The following NOP58 variants were observed in gnomAD, a reference collection of about 807,000 sequenced individuals.
NOP58 encodes the protein NOP58 ribonucleoprotein.
A neutral mutation model predicts 71.2 loss-of-function variants in NOP58; 44 were observed. The observed-to-expected ratio is 0.62, with a 90% CI of 0.49 to 0.79. The LOEUF (loss-of-function observed/expected upper bound fraction) is 0.79. Among genes scored for constraint, NOP58 ranks in the 30% least tolerant of loss-of-function variants. The pLI, the probability that NOP58 is intolerant of heterozygous loss-of-function variation, is 0.00. For synonymous variants in NOP58, 228 were observed against 200.3 expected (o/e 1.14, Z -1.17); for missense variants, 538 against 620.2 (o/e 0.87, Z 1.41).
In NOP58 at chr2:202,300,174, A is replaced by T. The variant is rs548254192; in HGVS notation, c.1269-60A>T. 2.8e-4 allele frequency: 387 copies of T among 1,388,562 alleles called. No individual in the cohort carries two copies. The African/African-American group carries it at 4.8e-3, about 17-fold the overall frequency. The allele number at this position is 1,388,562 out of a possible 1,614,324, so 86.0% of individuals were successfully genotyped here. ...CTAATGGCATTTTCTTTATCTCTTG[A>T]GAATTATTTCAATTCCAGATACTTG... On this transcript the variant is annotated intron_variant, in intron 12 of 14. Coordinates refer to ENST00000264279, the MANE Select transcript of NOP58 (RefSeq NM_015934.5).
At chr2:202,295,919 A>G (rs1295114671) in intron 10 of NOP58, 82 bp downstream of exon 10, 2 of 1,044,154 alleles carry the variant, frequency 1.9e-6, no homozygotes, top group Non-Finnish European at 2.6e-6. Context: ...TCTGTAGTAC[A>G]CATTAAATCT....
intron 1 of NOP58, among the ~76,000 whole-genome samples, chr2:202,273,283 C>A (rs138492923): frequency 6.6e-6 from 1 of 152,150 alleles, no homozygotes; most frequent in Non-Finnish European, 1.5e-5. Flanking sequence ...CAAATAAAAC[C>A]ATTGTGTTCC....
chr2:202,295,677 C>T lies in NOP58; in HGVS notation c.911C>T (p.Ser304Phe). Residue 304 changes from serine (S) to phenylalanine (F), a missense_variant, in exon 10 of 15, where the codon TCT becomes TTT. Ser to Phe is a radical substitution (Grantham distance 155). Transcript: ENST00000264279. ...TTGTAACTTTTTTCTTTTGTAGGTT[C>T]TCTTTTAAATTTGGCCAAGCATGCA... is the stretch of plus-strand genomic sequence containing the variant. ...VGARLIAHAG[S>F]LLNLAKHAAS... 1 of 1,564,266 alleles carries T rather than the reference C, an allele frequency of 6.4e-7. No individual in the cohort carries two copies. Among genetic ancestry groups the T allele is most frequent in the Non-Finnish European group, 8.6e-7 (1 of 1,157,740 alleles).
At chr2:202,271,400 CAAA>C (rs780941347) in intron 1 of NOP58, among the ~76,000 whole-genome samples, 5 of 115,038 alleles carry the variant, frequency 4.3e-5, no homozygotes, top group Non-Finnish European at 3.6e-5. Flanking sequence ...TACTAAAATA[CAAA>C]AAAAAAAAAA....
chr2:202,272,291 T>C (rs1688524827), intron 1 of NOP58, among the ~76,000 whole-genome samples: 1 of 151,758 alleles, frequency 6.6e-6, no homozygotes, highest in Non-Finnish European at 1.5e-5. Context: ...TAGCTGGAAC[T>C]ACAGGCGCCT....
chr2:202,278,230 G>A, intron 3 of NOP58: 1 of 613,232 alleles, frequency 1.6e-6, no homozygotes, highest in Non-Finnish European at 3.1e-6. Context: ...TTCCCCATGT[G>A]TGAGGAGAGG....
Position 202,292,826 on chromosome 2 carries a change from A to G in NOP58, c.830A>G (p.Asn277Ser). Residue 277 changes from asparagine to serine, a missense_variant, in exon 9 of 15, where the codon AAT becomes AGT. Asn to Ser is a conservative substitution (Grantham distance 46). Coordinates refer to ENST00000264279, the MANE Select transcript of NOP58 (RefSeq NM_015934.5). The stretch of plus-strand genomic sequence containing the variant: ...ACCCAGCTCTATGAATATCTACAAA[A>G]TCGAATGATGGCCATTGCACCCAAT... ...YRTQLYEYLQ[N>S]RMMAIAPNVT... 1 of 1,613,286 alleles carries G rather than the reference A, an allele frequency of 6.2e-7. No homozygotes were observed. The highest frequency in any genetic ancestry group is 8.5e-7 in the Non-Finnish European group (1 of 1,179,190).
intron 1 of NOP58, among the ~76,000 whole-genome samples, chr2:202,268,045 C>G (rs1026289965): frequency 6.6e-6 from 1 of 152,126 alleles, no homozygotes; most frequent in South Asian, 2.1e-4. Flanking sequence ...TACAAACGTT[C>G]TGGAACTAGT....
intron 1 of NOP58, among the ~76,000 whole-genome samples, chr2:202,269,316 C>G (rs946048269): frequency 2.0e-5 from 3 of 148,554 alleles, no homozygotes; most frequent in Non-Finnish European, 4.4e-5. Flanking sequence ...GGATTACAGG[C>G]GTGAGCCACC....
At chr2:202,284,644 C>T in intron 5 of NOP58, 163 bp downstream of exon 5, 1 of 678,860 alleles carries the variant, frequency 1.5e-6, no homozygotes, top group Non-Finnish European at 2.3e-6. Flanking sequence ...AGCCCAAGGT[C>T]AATACAGCTG....
intron 1 of NOP58, among the ~76,000 whole-genome samples, chr2:202,268,531 G>A (rs527421827): frequency 2.0e-5 from 3 of 150,374 alleles, no homozygotes; most frequent in Admixed American, 2.0e-4. Flanking sequence ...GCACAACTCC[G>A]TCTCAAAAAA....
rs1383985902 is a variant in NOP58 at position 202,265,774 on chromosome 2, A to ACAGCGTGGAGGGTTTAGG, written c.-160_-143dup. On this transcript the variant is annotated 5_prime_UTR_variant, in exon 1 of 15. Transcript: ENST00000264279. The stretch of plus-strand genomic sequence containing the variant: ...CGCGTTCGTGCGTCCTAGTTCCAGT[A>ACAGCGTGGAGGGTTTAGG]CAGCGTGGAGGGTTTAGGCAGCGTG... 1.2e-5 allele frequency: 8 copies of ACAGCGTGGAGGGTTTAGG among 671,050 alleles called. No individual in the cohort carries two copies. Among genetic ancestry groups the ACAGCGTGGAGGGTTTAGG allele is most frequent in the Non-Finnish European group, 2.1e-5 (8 of 385,360 alleles). The allele number at this position is 671,050 out of a possible 1,614,324, so 41.6% of individuals were successfully genotyped here.
intron 12 of NOP58, among the ~76,000 whole-genome samples, chr2:202,299,205 G>T (rs1228660236): frequency 6.6e-6 from 1 of 152,008 alleles, no homozygotes; most frequent in African/African-American, 2.4e-5. Context: ...TGATCCGCCC[G>T]CCTTGGCCTC....
Position 202,292,868 on chromosome 2 carries a change from G to A in NOP58, c.872G>A (p.Gly291Glu), listed in dbSNP as rs1479390319. The A allele has an allele frequency of 6.2e-7, 1 of 1,613,946 alleles. No homozygotes were observed. The highest frequency in any genetic ancestry group is 1.3e-5 in the African/African-American group (1 of 74,926). ...GCACCCAATGTTACAGTCATGGTTGGGGAATTAGTTGGAGCACGGCTTATT... is the reference window on the plus strand; with the variant it reads ...GCACCCAATGTTACAGTCATGGTTGAGGAATTAGTTGGAGCACGGCTTATT... Reference protein sequence around the residue: ...AIAPNVTVMVGELVGARLIAH... With the variant: ...AIAPNVTVMVEELVGARLIAH... Residue 291 changes from glycine to glutamate, a missense_variant, in exon 9 of 15, where the codon GGG (glycine) becomes GAG (glutamate). By Grantham distance (98) the Gly-to-Glu change is moderately conservative. Transcript: ENST00000264279.
intron 3 of NOP58, chr2:202,278,340 C>T: frequency 2.1e-6 from 1 of 487,620 alleles, no homozygotes; most frequent in South Asian, 1.5e-5. Context: ...GTAATGTGGT[C>T]AAGTATACAG....
chr2:202,298,055 ATGTTGTTTTGGAAAATGTGCACAT>A, intron 12 of NOP58, 149 bp downstream of exon 12: 3 of 513,166 alleles, frequency 5.8e-6, no homozygotes, highest in Non-Finnish European at 1.0e-5. Flanking sequence ...TATTGTGTGT[ATGTTGTTTTGGAAAATGTGCACAT>A]TGAGGAATGA....
rs546889921 is a variant in NOP58, at chr2:202,291,040, TCTA to T, written c.635-82_635-80del. Reference sequence around the variant, plus strand: ...GTTTAGGCATCCTTTTCATTGGCTTTCTACTTTTTCTTTTGACTATTTGCTGGA... The same window carrying T: ...GTTTAGGCATCCTTTTCATTGGCTTTCTTTTTCTTTTGACTATTTGCTGGA... On this transcript the variant is annotated intron_variant, in intron 7 of 14. Coordinates refer to ENST00000264279, the MANE Select transcript of NOP58 (RefSeq NM_015934.5). 162 of 1,259,034 alleles carry T rather than the reference TCTA, an allele frequency of 1.3e-4. No individual in the cohort carries two copies. In the East Asian group the frequency reaches 3.7e-3, roughly 29 times the overall value. 78.0% of individuals were successfully genotyped at this position (1,259,034 alleles called of 1,614,324 possible). A position where few individuals can be genotyped will look rare whatever the true frequency, so the allele number is the denominator to read the frequency against.
chr2:202,280,241 C>G (rs1010168316), intron 3 of NOP58, among the ~76,000 whole-genome samples: 1 of 152,136 alleles, frequency 6.6e-6, no homozygotes, highest in Non-Finnish European at 1.5e-5. Context: ...TGACTAACAC[C>G]TGTAATCCCA....
intron 8 of NOP58, among the ~76,000 whole-genome samples, chr2:202,292,475 A>G (rs1688919744): frequency 6.6e-6 from 1 of 152,012 alleles, no homozygotes; most frequent in South Asian, 2.1e-4. Context: ...TGTCTCTACT[A>G]AAAATACAAA....
Sources: allele counts gnomAD v4.1 joint callset (sites outside exome capture counted in the v4.1 genomes callset), GRCh38; gene constraint gnomAD v4.1.1; transcripts MANE v1.5; gene names NCBI Gene and HGNC (gene_info 2026-07-23, HGNC 2026-07-21).